Variants in ARNT2 observed in about 807,000 individuals in gnomAD.
The protein encoded by ARNT2 is aryl hydrocarbon receptor nuclear translocator 2, also known as ARNT protein 2.
In ARNT2, 36 loss-of-function variants were observed where a neutral mutation model predicts 91.7. The observed-to-expected ratio is 0.39, with a 90% CI of 0.30 to 0.52. The LOEUF (loss-of-function observed/expected upper bound fraction) is 0.52, where lower values mean the gene tolerates loss of function less well. Among genes scored for constraint, ARNT2 ranks in the 20% least tolerant of loss-of-function variants. The pLI, the probability that ARNT2 is intolerant of heterozygous loss-of-function variation, is 0.72. For missense variants in ARNT2, 775 were observed against 939.3 expected, an observed-to-expected ratio of 0.83 and a Z score of 2.29; for synonymous variants, 365 against 347.1, an observed-to-expected ratio of 1.05 and a Z score of -0.57.
intron 11 of ARNT2, among the ~76,000 whole-genome samples, chr15:80,557,218 A>G (rs1442480945): frequency 1.3e-5 from 2 of 152,092 alleles, no homozygotes; most frequent in African/African-American, 2.4e-5. Context: ...TCATAACATC[A>G]GCCACTCCTG....
intron 5 of ARNT2, among the ~76,000 whole-genome samples, chr15:80,480,350 C>T (rs1196508108): frequency 6.6e-6 from 1 of 152,102 alleles, no homozygotes; most frequent in Admixed American, 6.5e-5. Flanking sequence ...CAGGGGCCGC[C>T]CAAGGGAGCA....
intron 12 of ARNT2, among the ~76,000 whole-genome samples, chr15:80,568,165 A>G (rs181264376): frequency 7.2e-5 from 11 of 152,354 alleles, no homozygotes; most frequent in African/African-American, 2.6e-4. Flanking sequence ...CCAGAAAAAC[A>G]CAGACTGATT....
chr15:80,453,458 C>T (rs1160156227), intron 2 of ARNT2, among the ~76,000 whole-genome samples: 1 of 152,210 alleles, frequency 6.6e-6, no homozygotes, highest in Non-Finnish European at 1.5e-5. Flanking sequence ...AGCAAAGAAA[C>T]CTCCATTTTT....
chr15:80,563,495 G>A (rs111997331), intron 12 of ARNT2, among the ~76,000 whole-genome samples: 10 of 152,272 alleles, frequency 6.6e-5, no homozygotes, highest in African/African-American at 2.4e-4. Context: ...TCGGTGCAAG[G>A]TGCTCCAGTT....
At chr15:80,540,138 C>T (rs577150957) in intron 8 of ARNT2, among the ~76,000 whole-genome samples, 1 of 152,236 alleles carries the variant, frequency 6.6e-6, no homozygotes, top group East Asian at 1.9e-4. Flanking sequence ...AGTTTTTATG[C>T]AGACATATAG....
chr15:80,593,714 GGCTCCT>G lies in ARNT2; in HGVS notation c.*20_*25del. On this transcript the variant is annotated 3_prime_UTR_variant, in exon 19 of 19. Coordinates refer to ENST00000303329, the MANE Select transcript of ARNT2 (RefSeq NM_014862.4). ...TTCTGAGTAGCTGCGGCCAGAGTGA[GGCTCCT>G]GCTGTACAGTGCCACCCATACTGTG... 1 of 1,586,238 alleles carries G rather than the reference GGCTCCT, an allele frequency of 6.3e-7. No individual in the cohort carries two copies. The highest frequency in any genetic ancestry group is 1.1e-5 in the South Asian group (1 of 87,860).
At chr15:80,519,810 G>A (rs1253243694) in intron 8 of ARNT2, among the ~76,000 whole-genome samples, 2 of 148,560 alleles carry the variant, frequency 1.3e-5, no homozygotes, top group Admixed American at 6.8e-5. Flanking sequence ...CTCAGCCTCC[G>A]AGTAACTGGG....
chr15:80,449,121 G>A (rs1469103998), intron 1 of ARNT2, among the ~76,000 whole-genome samples: 1 of 152,232 alleles, frequency 6.6e-6, no homozygotes, highest in East Asian at 1.9e-4. Flanking sequence ...CCGAAGTTAA[G>A]CAATCCTCTT....
At position 80,563,219 on chromosome 15, in the gene ARNT2, C is replaced by G. The variant is rs2141467487; in HGVS notation, c.1296C>G (p.Ile432Met). Residue 432 changes from isoleucine to methionine, a missense_variant, in exon 12 of 19, where the codon ATC becomes ATG. By Grantham distance (10) the Ile-to-Met change is conservative. Coordinates refer to ENST00000303329, the MANE Select transcript of ARNT2 (RefSeq NM_014862.4). ...ATTCTGATGAGATTGAGTACATCAT[C>G]TGCACCAACACCAACGTCAAGTACG... ...NPYSDEIEYI[I>M]CTNTNVKQLQ... The G allele has an allele frequency of 6.2e-7, 1 of 1,614,226 alleles. No homozygotes were observed. The highest frequency in any genetic ancestry group is 1.1e-5 in the South Asian group (1 of 91,076).
intron 8 of ARNT2, among the ~76,000 whole-genome samples, chr15:80,523,964 C>A (rs1384155115): frequency 1.3e-5 from 2 of 152,142 alleles, no homozygotes; most frequent in Non-Finnish European, 2.9e-5. Context: ...GACATGATTT[C>A]TGTCTTCAAG....
intron 8 of ARNT2, among the ~76,000 whole-genome samples, chr15:80,535,191 A>G (rs909208569): frequency 6.9e-6 from 1 of 145,566 alleles, no homozygotes; most frequent in Non-Finnish European, 1.5e-5. Context: ...CAATGCTCCT[A>G]CAAATCTTTA....
intron 8 of ARNT2, among the ~76,000 whole-genome samples, chr15:80,518,496 G>A (rs559329736): frequency 2.4e-4 from 37 of 152,072 alleles, no homozygotes; most frequent in Admixed American, 4.6e-4. Context: ...GGCCATGGTG[G>A]TCTCAATCTC....
At chr15:80,563,060 T>C in intron 11 of ARNT2, 28 bp from the exon 12 acceptor site, 5 of 1,613,938 alleles carry the variant, frequency 3.1e-6, no homozygotes, top group Non-Finnish European at 3.4e-6. Flanking sequence ...TTCCTCCTGC[T>C]GACTTCCTTC....
At chr15:80,526,407 C>T (rs1280358982) in intron 8 of ARNT2, among the ~76,000 whole-genome samples, 1 of 152,232 alleles carries the variant, frequency 6.6e-6, no homozygotes, top group Non-Finnish European at 1.5e-5. Context: ...TATCACCCAG[C>T]ACCTTGAATT....
intron 8 of ARNT2, among the ~76,000 whole-genome samples, chr15:80,534,175 A>C (rs1897784440): frequency 6.6e-6 from 1 of 152,182 alleles, no homozygotes; most frequent in East Asian, 1.9e-4. Context: ...CAATTTGATC[A>C]TTGAGGGGCA....
At chr15:80,407,908 A>G (rs1161321251) in intron 1 of ARNT2, among the ~76,000 whole-genome samples, 1 of 152,244 alleles carries the variant, frequency 6.6e-6, no homozygotes, top group Non-Finnish European at 1.5e-5. Flanking sequence ...AGCATGAGGG[A>G]ATCAGCTACA....
chr15:80,579,516 C>T (rs1272646902), intron 15 of ARNT2, among the ~76,000 whole-genome samples: 1 of 151,854 alleles, frequency 6.6e-6, no homozygotes, highest in Non-Finnish European at 1.5e-5. Flanking sequence ...TTTTTTAACA[C>T]GGAGCTGAAA....
intron 1 of ARNT2, among the ~76,000 whole-genome samples, chr15:80,407,338 G>A (rs530498696): frequency 1.6e-4 from 24 of 152,264 alleles, no homozygotes; most frequent in African/African-American, 5.3e-4. Context: ...GTTGGTGACC[G>A]GTGATGTTGG....
At chr15:80,588,232 TAA>T (rs1481591344) in intron 17 of ARNT2, among the ~76,000 whole-genome samples, 1 of 152,138 alleles carries the variant, frequency 6.6e-6, no homozygotes, top group Non-Finnish European at 1.5e-5. Context: ...GCACAGTCAG[TAA>T]TCAATCAACA....
Sources: gnomAD v4.1 joint callset for allele counts (sites outside exome capture counted in the v4.1 genomes callset) on GRCh38, gnomAD v4.1.1 for gene constraint, MANE v1.5 for transcripts, NCBI Gene and HGNC (gene_info 2026-07-23, HGNC 2026-07-21) for gene names.